The following ADRA1A variants were observed in gnomAD, a reference collection of about 807,000 sequenced individuals.
The protein encoded by ADRA1A is alpha-1A adrenergic receptor.
Under a neutral mutation model 29.6 loss-of-function variants are expected in ADRA1A, and 31 were observed. That is an observed-to-expected ratio of 1.05 (90% CI 0.79 to 1.41). The LOEUF is 1.41. ADRA1A is among the 40% of genes most tolerant of loss of function. The pLI, the probability that ADRA1A is intolerant of heterozygous loss-of-function variation, is 0.00. For synonymous variants in ADRA1A, 311 were observed against 254.3 expected (o/e 1.22, Z -2.12); for missense variants, 619 against 601.1 (o/e 1.03, Z -0.31).
intron 2 of ADRA1A, among the ~76,000 whole-genome samples, chr8:26,792,252 A>C (rs1807888549): frequency 6.6e-6 from 1 of 152,138 alleles, no homozygotes; most frequent in Non-Finnish European, 1.5e-5. Context: ...TTTGATAGGT[A>C]AAATATGATA....
intron 2 of ADRA1A, among the ~76,000 whole-genome samples, chr8:26,750,646 C>T (rs1804881406): frequency 6.6e-6 from 1 of 152,214 alleles, no homozygotes; most frequent in African/African-American, 2.4e-5. Context: ...ACAAACATTC[C>T]TTCTGTGGCA....
chr8:26,814,542 A>G (rs531190193), intron 2 of ADRA1A, among the ~76,000 whole-genome samples: 25 of 152,366 alleles, frequency 1.6e-4, no homozygotes, highest in African/African-American at 6.0e-4. Context: ...GATTACAGCT[A>G]TGTGCCACTG....
intron 2 of ADRA1A, among the ~76,000 whole-genome samples, chr8:26,786,742 G>GT (rs978767475): frequency 1.5e-4 from 16 of 109,968 alleles, no homozygotes; most frequent in African/African-American, 6.3e-4. Context: ...TCCATGCTGG[G>GT]TTGGGGGGGG....
rs756409066 is a variant in ADRA1A at position 26,775,772 on chromosome 8, A to G, written c.884-5106T>C. 2.6e-5 allele frequency among the ~76,000 whole-genome samples: 4 copies of G among 152,110 alleles called. No individual in the cohort carries two copies. Among genetic ancestry groups the G allele is most frequent in the Non-Finnish European group, 5.9e-5 (4 of 68,030 alleles). ...CTTTCCTGACCCTCTGGACACCCTG[A>G]CCAACTTACGCCGGTCAGACTGAGG... is the stretch of plus-strand genomic sequence containing the variant. On this transcript the variant is annotated intron_variant, in intron 2 of 2. Coordinates refer to ENST00000380573, the MANE Select transcript of ADRA1A (RefSeq NM_000680.4). The surrounding 1 kb of genome is among the most constrained non-coding windows in gnomAD (Gnocchi z 4.1).
At chr8:26,794,707 G>T (rs988764981) in intron 2 of ADRA1A, among the ~76,000 whole-genome samples, 62 of 152,164 alleles carry the variant, frequency 4.1e-4, no homozygotes, top group African/African-American at 1.5e-3. Context: ...AAGGAGGCAG[G>T]TTGGATTTGA....
chr8:26,781,742 T>C (rs1254984134), intron 2 of ADRA1A, among the ~76,000 whole-genome samples: 1 of 152,202 alleles, frequency 6.6e-6, no homozygotes, highest in Admixed American at 6.5e-5. Context: ...CTCTCATATT[T>C]GTGGGATTCA....
rs551280589 is a variant in ADRA1A, at chr8:26,823,926, G to C, written c.883+40161C>G. Among the ~76,000 whole-genome samples, 1 of 152,098 alleles carries C rather than the reference G, an allele frequency of 6.6e-6. No individual in the cohort carries two copies. Among genetic ancestry groups the C allele is most frequent in the South Asian group, 2.1e-4 (1 of 4,830 alleles). ...GCCTTTCTTTGGGTCTTTGTTCCAC[G>C]CTATGTTACTCTGGGCTCATTTAGA... On this transcript the variant is annotated intron_variant, in intron 2 of 2. Coordinates refer to ENST00000380573, the MANE Select transcript of ADRA1A (RefSeq NM_000680.4). This position sits in a 1 kb window ranked among gnomAD's most constrained non-coding sequence, Gnocchi z 4.2.
Position 26,825,281 on chromosome 8 carries a change from T to C in ADRA1A, c.883+38806A>G, listed in dbSNP as rs1810472408. ...TTCACTCTCTAGCTTGTTTTCTTCT[T>C]TCTGATTGTAGCTCAGCTCCTTTTC... On this transcript the variant is annotated intron_variant, in intron 2 of 2. Transcript: ENST00000380573. This position sits in a 1 kb window ranked among gnomAD's most constrained non-coding sequence, Gnocchi z 5.7. Among the ~76,000 whole-genome samples the C allele has an allele frequency of 6.6e-6, 1 of 152,144 alleles. No homozygotes were observed. The highest frequency in any genetic ancestry group is 6.5e-5 in the Admixed American group (1 of 15,276).
intron 2 of ADRA1A, among the ~76,000 whole-genome samples, chr8:26,786,788 C>T (rs1047834583): frequency 6.6e-5 from 10 of 151,756 alleles, no homozygotes; most frequent in African/African-American, 2.4e-4. Context: ...GCATCCTAAA[C>T]TTTTTCTTCA....
chr8:26,844,111 G>T (rs554827110), intron 2 of ADRA1A, among the ~76,000 whole-genome samples: 2 of 152,236 alleles, frequency 1.3e-5, no homozygotes, highest in African/African-American at 2.4e-5. Context: ...AAGGTCATCT[G>T]GATCATATGT....
rs1230205107 is a variant in ADRA1A at position 26,804,450 on chromosome 8, T to G, written c.884-33784A>C. 5.9e-5 allele frequency among the ~76,000 whole-genome samples: 9 copies of G among 152,202 alleles called. 1 individual carries two copies. The highest frequency in any genetic ancestry group is 3.3e-4 in the Admixed American group (5 of 15,282). On this transcript the variant is annotated intron_variant, in intron 2 of 2. Transcript: ENST00000380573. ...AGACTATTGATACATGTGACATGCATCTCAAAATCATTATCATGAATGAAA... is the reference window on the plus strand; with the variant it reads ...AGACTATTGATACATGTGACATGCAGCTCAAAATCATTATCATGAATGAAA...
At chr8:26,858,956 A>G in intron 2 of ADRA1A, 9 of 990,340 alleles carry the variant, frequency 9.1e-6, no homozygotes, top group Non-Finnish European at 1.1e-5. Context: ...CTTAGTGGAA[A>G]GAAGCTTGGG....
At chr8:26,771,543 C>T (rs773352464) in intron 2 of ADRA1A, among the ~76,000 whole-genome samples, 6 of 152,220 alleles carry the variant, frequency 3.9e-5, no homozygotes, top group African/African-American at 9.7e-5. Flanking sequence ...TCACATCCTG[C>T]GCAGAGACTG....
chr8:26,748,544 T>A, exon 3 of ADRA1A: 1 of 353,828 alleles, frequency 2.8e-6, no homozygotes, highest in South Asian at 2.2e-5. Context: ...ATCGAGATCA[T>A]CCTGGCCAAC....
rs1352949837 is a variant in ADRA1A at position 26,770,658 on chromosome 8, A to G, written c.892T>C (p.Phe298Leu). Residue 298 changes from phenylalanine to leucine, a missense_variant, in exon 3 of 3, where the codon TTC (phenylalanine) becomes CTC (leucine). Physicochemically the swap from Phe to Leu is conservative, Grantham distance 22 (BLOSUM62 0). Transcript: ENST00000380573. Reference sequence around the variant, plus strand: ...GTTTCAGAGGGCTTGAAATCAGGGAAGAAAGACCCTGGAAGAAAACACACA... The same window carrying G: ...GTTTCAGAGGGCTTGAAATCAGGGAGGAAAGACCCTGGAAGAAAACACACA... Reference protein sequence around the residue: ...FFLVMPIGSFFPDFKPSETVF... With the variant: ...FFLVMPIGSFLPDFKPSETVF... 1.2e-6 allele frequency: 2 copies of G among 1,609,512 alleles called. No homozygotes were observed. The highest frequency in any genetic ancestry group is 2.2e-5 in the East Asian group (1 of 44,826).
chr8:26,867,122 C>A lies in ADRA1A; in HGVS notation c.-873G>T. 1.0e-6 allele frequency: 1 copy of A among 985,370 alleles called. No individual in the cohort carries two copies. The highest frequency in any genetic ancestry group is 1.2e-6 in the Non-Finnish European group (1 of 829,924). 61.0% of individuals were successfully genotyped at this position (985,370 alleles called of 1,614,324 possible). A position where few individuals can be genotyped will look rare whatever the true frequency, so the allele number is the denominator to read the frequency against. ...CACTGATGTCTTTAAGCTCCTGAAC[C>A]GCTGTCACTTTACCTGCATTTTTTA... On this transcript the variant is annotated 5_prime_UTR_variant, in exon 1 of 3. Coordinates refer to ENST00000380573, the MANE Select transcript of ADRA1A (RefSeq NM_000680.4).
At chr8:26,791,687 G>A (rs1245156053) in intron 2 of ADRA1A, among the ~76,000 whole-genome samples, 1 of 152,180 alleles carries the variant, frequency 6.6e-6, no homozygotes, top group Non-Finnish European at 1.5e-5. Context: ...TAACAGCCAT[G>A]CCAAAGTGCT....
At chr8:26,795,408 A>G (rs1333268339) in intron 2 of ADRA1A, among the ~76,000 whole-genome samples, 5 of 152,290 alleles carry the variant, frequency 3.3e-5, no homozygotes, top group Non-Finnish European at 1.5e-5. Context: ...GAAGGAAACT[A>G]ATAACTGCCT....
chr8:26,785,726 G>A (rs1908654), intron 2 of ADRA1A, among the ~76,000 whole-genome samples: 51,318 of 151,956 alleles, frequency 0.34, 9,993 homozygotes, highest in East Asian at 0.84. Flanking sequence ...GCCTCTTCAT[G>A]TAAATGTCTC....
Sources: allele counts gnomAD v4.1 joint callset (sites outside exome capture counted in the v4.1 genomes callset), GRCh38; gene constraint gnomAD v4.1.1; non-coding constraint Gnocchi (gnomAD v3.1); transcripts MANE v1.5; gene names NCBI Gene and HGNC (gene_info 2026-07-23, HGNC 2026-07-21).